Variants in PTH2R observed in about 807,000 individuals in gnomAD.
PTH2R encodes the protein PTH2 receptor.
A neutral mutation model predicts 60.3 loss-of-function variants in PTH2R; 59 were observed. That is an observed-to-expected ratio of 0.98 (90% CI 0.79 to 1.22). The LOEUF is 1.22. Ranked by LOEUF, PTH2R falls within the 50% of genes most tolerant of loss-of-function variation. PTH2R has a pLI of 0.00. For synonymous variants in PTH2R, 256 were observed against 243.8 expected (o/e 1.05, Z -0.47); for missense variants, 749 against 682.6 (o/e 1.10, Z -1.08).
intron 10 of PTH2R, among the ~76,000 whole-genome samples, chr2:208,486,367 A>G (rs999638697): frequency 1.3e-5 from 2 of 152,220 alleles, no homozygotes; most frequent in Non-Finnish European, 2.9e-5. Flanking sequence ...GATACCCACT[A>G]CATTTTGGTT....
intron 1 of PTH2R, among the ~76,000 whole-genome samples, chr2:208,362,860 GTGTT>G (rs2125864413): frequency 7.4e-6 from 1 of 134,430 alleles, no homozygotes; most frequent in East Asian, 2.1e-4. Context: ...GTGTGTGTGT[GTGTT>G]TAATGGCTGT....
Position 208,489,012 on chromosome 2 carries a change from G to A in PTH2R, c.1077G>A (p.Arg359=). Reference sequence around the variant, plus strand: ...GAAAAGACTTGCTGTTCTCCTTTAGGAAACTGGCCAAATCGACACTGGTCC... The same window carrying A: ...GAAAAGACTTGCTGTTCTCCTTTAGAAAACTGGCCAAATCGACACTGGTCC... ...AVGHDTRKQY[R]KLAKSTLVLV... Residue 359 remains arginine, a splice_region_variant and synonymous_variant, in exon 11 of 13, where the codon AGG becomes AGA. Transcript: ENST00000272847. 6.2e-7 allele frequency: 1 copy of A among 1,613,836 alleles called. No homozygotes were observed. The highest frequency in any genetic ancestry group is 8.5e-7 in the Non-Finnish European group (1 of 1,179,944).
At chr2:208,442,160 A>G (rs1702197840) in intron 4 of PTH2R, among the ~76,000 whole-genome samples, 1 of 152,110 alleles carries the variant, frequency 6.6e-6, no homozygotes, top group African/African-American at 2.4e-5. Flanking sequence ...TGTTTTTTTG[A>G]CTAGCAAGGG....
chr2:208,423,537 C>T (rs913442769), intron 1 of PTH2R, among the ~76,000 whole-genome samples: 1 of 152,028 alleles, frequency 6.6e-6, no homozygotes, highest in Non-Finnish European at 1.5e-5. Context: ...GGTATTTGTT[C>T]TGTATGTATT....
intron 1 of PTH2R, among the ~76,000 whole-genome samples, chr2:208,415,935 C>T (rs1701631492): frequency 6.6e-6 from 1 of 152,110 alleles, no homozygotes; most frequent in Non-Finnish European, 1.5e-5. Flanking sequence ...GAGAAAATAG[C>T]TAGTTTAAAA....
chr2:208,367,891 G>A (rs1700623743), intron 1 of PTH2R, among the ~76,000 whole-genome samples: 1 of 152,100 alleles, frequency 6.6e-6, no homozygotes, highest in Non-Finnish European at 1.5e-5. Context: ...GACTGACTAA[G>A]GTTATAAATC....
chr2:208,469,039 G>T (rs536007593), intron 9 of PTH2R, among the ~76,000 whole-genome samples: 1 of 152,174 alleles, frequency 6.6e-6, no homozygotes, highest in South Asian at 2.1e-4. Context: ...TCAATTTCTA[G>T]AGGAGAAAAC....
chr2:208,429,482 GA>G (rs1701927031), intron 2 of PTH2R, among the ~76,000 whole-genome samples: 1 of 151,848 alleles, frequency 6.6e-6, no homozygotes, highest in African/African-American at 2.4e-5. Flanking sequence ...TTATCTCTAG[GA>G]TACTTGTCCT....
chr2:208,494,479 G>A lies in PTH2R; in HGVS notation c.*820G>A, dbSNP rs1421025661. 6.6e-6 allele frequency: 1 copy of A among 152,168 alleles called. No homozygotes were observed. The highest frequency in any genetic ancestry group is 1.5e-5 in the Non-Finnish European group (1 of 68,034). 9.4% of individuals were successfully genotyped at this position (152,168 alleles called of 1,614,324 possible). On this transcript the variant is annotated 3_prime_UTR_variant, in exon 13 of 13. Transcript: ENST00000272847. ...TTACTACATTGTACATGGCATGTGG[G>A]ATCAATTAAAAATTTGTTTTAAAAA...
chr2:208,451,424 A>G (rs1702406211), intron 8 of PTH2R, among the ~76,000 whole-genome samples: 1 of 152,182 alleles, frequency 6.6e-6, no homozygotes, highest in Non-Finnish European at 1.5e-5. Flanking sequence ...AGTTCCATCA[A>G]TCCATGAATC....
rs551849785 is a variant in PTH2R at position 208,469,113 on chromosome 2, G to C, written c.981+9152G>C. Among the ~76,000 whole-genome samples the C allele has an allele frequency of 1.5e-4, 23 of 152,288 alleles. No homozygotes were observed. The South Asian group carries it at 4.4e-3, about 29-fold the overall frequency. On this transcript the variant is annotated intron_variant, in intron 9 of 12. Transcript: ENST00000272847. The stretch of plus-strand genomic sequence containing the variant: ...TGAAACAGACTTTAACATGTGTTTT[G>C]TGGCCATGTTCTTTTCACTTGCTTT...
At chr2:208,459,358 C>T (rs1379118641) in intron 8 of PTH2R, among the ~76,000 whole-genome samples, 1 of 152,166 alleles carries the variant, frequency 6.6e-6, no homozygotes, top group Non-Finnish European at 1.5e-5. Context: ...TAATCAATTA[C>T]ATTCCACTGA....
intron 9 of PTH2R, among the ~76,000 whole-genome samples, chr2:208,477,671 A>G (rs1703037275): frequency 6.6e-6 from 1 of 151,968 alleles, no homozygotes; most frequent in Non-Finnish European, 1.5e-5. Flanking sequence ...TTAAAACCAT[A>G]TTTACAAAAA....
chr2:208,376,283 T>C (rs540062010), intron 1 of PTH2R, among the ~76,000 whole-genome samples: 1 of 152,272 alleles, frequency 6.6e-6, no homozygotes, highest in Admixed American at 6.5e-5. Flanking sequence ...TACAAAGTAT[T>C]ACAAAGGAAA....
chr2:208,421,473 G>A (rs959784073), intron 1 of PTH2R, among the ~76,000 whole-genome samples: 3 of 151,302 alleles, frequency 2.0e-5, no homozygotes, highest in Non-Finnish European at 4.4e-5. Flanking sequence ...CTTTTTTTAT[G>A]TTGAATTAAA....
intron 1 of PTH2R, among the ~76,000 whole-genome samples, chr2:208,391,313 T>C (rs1377827741): frequency 6.6e-6 from 1 of 152,206 alleles, no homozygotes; most frequent in Non-Finnish European, 1.5e-5. Context: ...TTTGAAGGTG[T>C]ATTTTTTATT....
intron 1 of PTH2R, among the ~76,000 whole-genome samples, chr2:208,424,693 T>G (rs1324018434): frequency 1.3e-5 from 2 of 152,152 alleles, no homozygotes; most frequent in South Asian, 2.1e-4. Flanking sequence ...TCAAATCACT[T>G]TCAGCCACAT....
chr2:208,415,402 T>A (rs1205021172), intron 1 of PTH2R, among the ~76,000 whole-genome samples: 1 of 152,346 alleles, frequency 6.6e-6, no homozygotes, highest in East Asian at 1.9e-4. Flanking sequence ...ATTCACCTAC[T>A]ACCGCTTCGC....
intron 5 of PTH2R, 27 bp downstream of exon 5, chr2:208,442,488 T>C (rs1408244431): frequency 6.7e-7 from 1 of 1,499,128 alleles, no homozygotes; most frequent in Non-Finnish European, 9.3e-7. Flanking sequence ...ACTTTTTCCA[T>C]GAAGGGGCAC....
Sources: allele counts gnomAD v4.1 joint callset (sites outside exome capture counted in the v4.1 genomes callset), GRCh38; gene constraint gnomAD v4.1.1; transcripts MANE v1.5; gene names NCBI Gene and HGNC (gene_info 2026-07-23, HGNC 2026-07-21).